ROBO1: variants seen among roughly 807,000 people sequenced by gnomAD.
ROBO1 encodes roundabout homolog 1.
Under a neutral mutation model 195.9 loss-of-function variants are expected in ROBO1, and 149 were observed. The ratio of observed to expected loss-of-function variants is 0.76; its 90% CI spans 0.67 to 0.87. ROBO1 has a LOEUF of 0.87. Ranked by LOEUF, ROBO1 falls within the 40% of genes least tolerant of loss-of-function variation. The probability of loss-of-function intolerance (pLI) is 0.00; values close to 1 mark genes in which losing one functional copy is unlikely to be tolerated. For synonymous variants in ROBO1, 816 were observed against 733.2 expected (o/e 1.11, Z -1.82); for missense variants, 1,933 against 2,068.3 (o/e 0.93, Z 1.27).
intron 1 of ROBO1, among the ~76,000 whole-genome samples, chr3:79,687,703 T>A (rs1947168222): frequency 6.6e-6 from 1 of 152,070 alleles, no homozygotes; most frequent in South Asian, 2.1e-4. Context: ...TGGTGATCAT[T>A]AAAAAGTCAG....
At chr3:78,961,994 T>G (rs1388440333) in intron 3 of ROBO1, among the ~76,000 whole-genome samples, 2 of 151,910 alleles carry the variant, frequency 1.3e-5, no homozygotes, top group Non-Finnish European at 2.9e-5. Flanking sequence ...TCTTCATCCA[T>G]AAAATGAGGT....
At chr3:78,714,712 CATATT>C in intron 7 of ROBO1, 188 bp from the exon 8 acceptor site, 1 of 460,330 alleles carries the variant, frequency 2.2e-6, no homozygotes, top group Non-Finnish European at 3.7e-6. Flanking sequence ...TGTGGACTAA[CATATT>C]AAACTACTTT....
chr3:79,515,073 C>T (rs1278609048), intron 2 of ROBO1, among the ~76,000 whole-genome samples: 1 of 152,074 alleles, frequency 6.6e-6, no homozygotes, highest in Non-Finnish European at 1.5e-5. Context: ...ATGTAAAATT[C>T]TCCGAGCCTT....
chr3:79,089,623 A>C (rs1440208363), intron 3 of ROBO1, among the ~76,000 whole-genome samples: 1 of 152,164 alleles, frequency 6.6e-6, no homozygotes, highest in Admixed American at 6.5e-5. Flanking sequence ...TGTTTACCTA[A>C]AAATTGTCTC....
intron 4 of ROBO1, among the ~76,000 whole-genome samples, chr3:78,915,560 T>C (rs1163507025): frequency 6.6e-6 from 1 of 152,202 alleles, no homozygotes; most frequent in Non-Finnish European, 1.5e-5. Context: ...ATATTATTTA[T>C]ACCAATTTTT....
At chr3:79,687,556 G>A (rs1244247980) in intron 1 of ROBO1, among the ~76,000 whole-genome samples, 2 of 152,080 alleles carry the variant, frequency 1.3e-5, no homozygotes, top group Non-Finnish European at 1.5e-5. Flanking sequence ...AAAAGTGGGA[G>A]AAGGATATGA....
chr3:79,089,939 C>CTTTTTTT (rs1177571028), intron 3 of ROBO1, among the ~76,000 whole-genome samples: 2 of 11,940 alleles, frequency 1.7e-4, no homozygotes, highest in African/African-American at 2.0e-4. Context: ...GTTATTCTTT[C>CTTTTTTT]TTTTTTTTTT....
chr3:79,759,068 T>C (rs985863413), intron 1 of ROBO1, among the ~76,000 whole-genome samples: 1 of 151,130 alleles, frequency 6.6e-6, no homozygotes, highest in Non-Finnish European at 1.5e-5. Flanking sequence ...CTCTCTTAAA[T>C]TAATACCCAA....
At chr3:79,289,570 T>C (rs1283165173) in intron 2 of ROBO1, among the ~76,000 whole-genome samples, 1 of 152,210 alleles carries the variant, frequency 6.6e-6, no homozygotes, top group African/African-American at 2.4e-5. Flanking sequence ...CCTAGAGAGA[T>C]GTAAGCTTGG....
intron 2 of ROBO1, among the ~76,000 whole-genome samples, chr3:79,265,056 C>G (rs2083012892): frequency 6.6e-6 from 1 of 151,820 alleles, no homozygotes; most frequent in South Asian, 2.1e-4. Context: ...ACATTTTAAC[C>G]ACTAGGGCTG....
intron 4 of ROBO1, among the ~76,000 whole-genome samples, chr3:78,833,155 C>T (rs923361207): frequency 1.3e-5 from 2 of 151,700 alleles, no homozygotes; most frequent in Non-Finnish European, 2.9e-5. Context: ...AGTGAAGGCA[C>T]TGTTAGAATA....
In ROBO1 at chr3:79,254,197, G is replaced by GA. The variant is rs2082784187; in HGVS notation, c.89-128659dup. On this transcript the variant is annotated intron_variant, in intron 2 of 30. Transcript: ENST00000464233. ...CATTTAACTCTACCTATAATCACAG[G>GA]ATATAAGATAAATAACATTATGTTT... Among the ~76,000 whole-genome samples the GA allele has an allele frequency of 3.3e-5, 5 of 152,076 alleles. No homozygotes were observed. The South Asian group carries it at 1.0e-3, about 32-fold the overall frequency.
At chr3:78,617,021 G>C (rs77710926) in intron 27 of ROBO1, among the ~76,000 whole-genome samples, 1,986 of 152,166 alleles carry the variant, frequency 0.013, 50 homozygotes, top group African/African-American at 0.042. Context: ...AATGTTTACT[G>C]TAAGTATGGA....
chr3:79,757,753 GGA>G (rs1241800511), intron 1 of ROBO1, among the ~76,000 whole-genome samples: 1 of 152,050 alleles, frequency 6.6e-6, no homozygotes, highest in Non-Finnish European at 1.5e-5. Context: ...TTGAAAAAGA[GGA>G]CATGAATATA....
At chr3:79,015,172 A>C (rs1176220782) in intron 3 of ROBO1, among the ~76,000 whole-genome samples, 1 of 152,184 alleles carries the variant, frequency 6.6e-6, no homozygotes, top group South Asian at 2.1e-4. Context: ...GATATTTTAA[A>C]AGATATCACA....
At chr3:79,710,457 T>C (rs1417991234) in intron 1 of ROBO1, among the ~76,000 whole-genome samples, 6 of 152,072 alleles carry the variant, frequency 3.9e-5, no homozygotes, top group Non-Finnish European at 8.8e-5. Flanking sequence ...CCAAACTATA[T>C]TCGCAGCAAA....
At chr3:79,054,844 G>A (rs1452424043) in intron 3 of ROBO1, among the ~76,000 whole-genome samples, 3 of 152,072 alleles carry the variant, frequency 2.0e-5, no homozygotes, top group African/African-American at 2.4e-5. Context: ...AATATCAAAC[G>A]GGATGCTTCA....
At chr3:79,342,146 G>A (rs1315969707) in intron 2 of ROBO1, among the ~76,000 whole-genome samples, 2 of 152,102 alleles carry the variant, frequency 1.3e-5, no homozygotes, top group South Asian at 2.1e-4. Flanking sequence ...AATTAGAGAG[G>A]TACAAAAGTG....
chr3:79,311,725 T>C (rs906379018), intron 2 of ROBO1, among the ~76,000 whole-genome samples: 5 of 152,198 alleles, frequency 3.3e-5, no homozygotes, highest in Admixed American at 3.3e-4. Flanking sequence ...ATTTGCTAGA[T>C]TCAGCTTTTA....
Sources: allele counts gnomAD v4.1 joint callset (sites outside exome capture counted in the v4.1 genomes callset), GRCh38; gene constraint gnomAD v4.1.1; transcripts MANE v1.5; gene names NCBI Gene and HGNC (gene_info 2026-07-23, HGNC 2026-07-21).